The following IARS1 variants were observed in gnomAD, a reference collection of about 807,000 sequenced individuals.
IARS1 encodes isoleucyl-tRNA synthetase 1, also known as isoleucine--tRNA ligase, cytoplasmic.
A neutral mutation model predicts 168.2 loss-of-function variants in IARS1; 124 were observed. The observed-to-expected ratio is 0.74, with a 90% CI of 0.64 to 0.86. IARS1 has a LOEUF of 0.86. IARS1 is among the 40% of genes least tolerant of loss of function. IARS1 has a pLI of 0.00. For synonymous variants in IARS1, 532 were observed against 529.4 expected (o/e 1.00, Z -0.07); for missense variants, 1,452 against 1,515.8 (o/e 0.96, Z 0.70).
chr9:92,250,772 A>G lies in IARS1; in HGVS notation c.2370T>C (p.Pro790=). ...GTGTGTCCTTGTCCTGAACAGAAAC[A>G]GGGTCAATCAGCACCTTTAGATTCT... ...MYQNLKVLID[P]VSVQDKDTLS... Residue 790 remains proline, a synonymous_variant, in exon 23 of 34, where the codon CCT becomes CCC. Coordinates refer to ENST00000443024, the MANE Select transcript of IARS1 (RefSeq NM_002161.6). The G allele has an allele frequency of 6.2e-7, 1 of 1,613,742 alleles. No homozygotes were observed. Among genetic ancestry groups the G allele is most frequent in the Non-Finnish European group, 8.5e-7 (1 of 1,179,776 alleles).
In IARS1 at chr9:92,247,552, C is replaced by G; in HGVS notation, c.2617-1G>C. On this transcript the variant is annotated splice_acceptor_variant, in intron 25 of 33. Coordinates refer to ENST00000443024, the MANE Select transcript of IARS1 (RefSeq NM_002161.6). LOFTEE classifies it high-confidence loss of function. The stretch of plus-strand genomic sequence containing the variant: ...GTGTAACTTTTCGAACATTGAGTTC[C>G]TACAGTTAATGCACAAGAGGAAACA... The G allele has an allele frequency of 6.2e-7, 1 of 1,612,628 alleles. No homozygotes were observed. The highest frequency in any genetic ancestry group is 1.1e-5 in the South Asian group (1 of 90,698).
rs767763007 is a variant in IARS1 at position 92,271,610 on chromosome 9, A to T, written c.1036T>A (p.Ser346Thr). ...GCATCCACAGGGCAAACAGGGAGTG[A>T]GTCTTTCCGAATAATGTTAAAGTCC... ...CMDFNIIRKD[S>T]LPVCPVDASG... Residue 346 changes from serine to threonine, a missense_variant, in exon 11 of 34, where the codon TCA becomes ACA. By Grantham distance (58) the Ser-to-Thr change is moderately conservative. Coordinates refer to ENST00000443024, the MANE Select transcript of IARS1 (RefSeq NM_002161.6). 2 of 1,614,078 alleles carry T rather than the reference A, an allele frequency of 1.2e-6. No homozygotes were observed. The highest frequency in any genetic ancestry group is 3.3e-5 in the Admixed American group (2 of 60,014).
intron 10 of IARS1, among the ~76,000 whole-genome samples, chr9:92,272,756 C>T (rs1833233440): frequency 6.6e-6 from 1 of 151,058 alleles, no homozygotes; most frequent in South Asian, 2.1e-4. Context: ...CAGGCTGAGG[C>T]AGGAGAATCG....
intron 7 of IARS1, among the ~76,000 whole-genome samples, chr9:92,279,800 C>G (rs935069829): frequency 5.3e-5 from 8 of 152,160 alleles, no homozygotes; most frequent in African/African-American, 1.7e-4. Flanking sequence ...ATAACTCCCC[C>G]TTCCCTCCCA....
Position 92,288,126 on chromosome 9 carries a change from C to T in IARS1, c.276G>A (p.Val92=), listed in dbSNP as rs1282795400. ...RFGWDCHGLP[V]EYEIDKTLGI... ...TATAAAGCTGGATACTCAAACATAC[C>T]ACAGGTAAGCCATGGCAATCCCATC... Residue 92 remains valine, a splice_region_variant and synonymous_variant, in exon 3 of 34, where the codon GTG becomes GTA. Transcript: ENST00000443024. 6.2e-7 allele frequency: 1 copy of T among 1,612,058 alleles called. No homozygotes were observed. Among genetic ancestry groups the T allele is most frequent in the Non-Finnish European group, 8.5e-7 (1 of 1,179,356 alleles).
At chr9:92,258,617 AAAC>A (rs1359273755) in intron 19 of IARS1, among the ~76,000 whole-genome samples, 1 of 152,154 alleles carries the variant, frequency 6.6e-6, no homozygotes, top group Middle Eastern at 3.2e-3. Flanking sequence ...ACTGGCGACT[AAAC>A]AACTATATGA....
chr9:92,247,251 C>A (rs919741376), intron 26 of IARS1, 126 bp downstream of exon 26: 9 of 738,298 alleles, frequency 1.2e-5, no homozygotes, highest in Middle Eastern at 2.6e-4. Context: ...AAGGAAAGGA[C>A]AGGACACGAC....
rs772141867 is a variant in IARS1 at position 92,249,873 on chromosome 9, C to T, written c.2601G>A (p.Glu867=). The change falls in exon 25 of 34, where the codon GAG becomes GAA. Residue 867 remains glutamate, a synonymous_variant. Coordinates refer to ENST00000443024, the MANE Select transcript of IARS1 (RefSeq NM_002161.6). The stretch of plus-strand genomic sequence containing the variant: ...TCTACCTTACCTCAATGATATACTT[C>T]TCCAAAGACTTGATATCTTTAAGAG... ...PEALKDIKSL[E]KYIIEELNVR... 1 of 1,587,332 alleles carries T rather than the reference C, an allele frequency of 6.3e-7. No individual in the cohort carries two copies. Among genetic ancestry groups the T allele is most frequent in the South Asian group, 1.1e-5 (1 of 90,162 alleles).
chr9:92,289,706 T>C (rs1836013800), intron 1 of IARS1, among the ~76,000 whole-genome samples: 1 of 152,198 alleles, frequency 6.6e-6, no homozygotes, highest in Non-Finnish European at 1.5e-5. Flanking sequence ...TCCCCATTCT[T>C]TCTTCTCCAT....
chr9:92,232,207 TC>T (rs1826819367), intron 30 of IARS1, among the ~76,000 whole-genome samples: 1 of 152,184 alleles, frequency 6.6e-6, no homozygotes, highest in South Asian at 2.1e-4. Flanking sequence ...CAAAAATAGC[TC>T]CCCACTGGTA....
At chr9:92,268,074 G>T in intron 14 of IARS1, 100 bp downstream of exon 14, 2 of 1,214,632 alleles carry the variant, frequency 1.6e-6, no homozygotes, top group Non-Finnish European at 2.3e-6. Flanking sequence ...ATAAGAAAGG[G>T]GCAAAGAAAA....
intron 25 of IARS1, among the ~76,000 whole-genome samples, chr9:92,248,392 G>T (rs544365129): frequency 4.6e-5 from 7 of 152,076 alleles, no homozygotes; most frequent in Non-Finnish European, 8.8e-5. Flanking sequence ...AAATTTTTCA[G>T]CTGGGTGTGG....
chr9:92,257,849 G>A (rs971863463), intron 19 of IARS1, among the ~76,000 whole-genome samples: 3 of 152,032 alleles, frequency 2.0e-5, no homozygotes, highest in Non-Finnish European at 4.4e-5. Flanking sequence ...GTGCAGTATC[G>A]GAACTCTGAC....
In IARS1 at chr9:92,250,275, T is replaced by C. The variant is rs751598901; in HGVS notation, c.2444A>G (p.Asp815Gly). 2 of 1,601,428 alleles carry C rather than the reference T, an allele frequency of 1.2e-6. No individual in the cohort carries two copies. Among genetic ancestry groups the C allele is most frequent in the South Asian group, 1.1e-5 (1 of 90,806 alleles). Residue 815 changes from aspartate (D) to glycine (G), a missense_variant, in exon 24 of 34, where the codon GAC (aspartate) becomes GGC (glycine). By Grantham distance (94) the Asp-to-Gly change is moderately conservative. Coordinates refer to ENST00000443024, the MANE Select transcript of IARS1 (RefSeq NM_002161.6). Reference protein sequence around the residue: ...MLPRVREELIDKKTESAVSQM... With the variant: ...MLPRVREELIGKKTESAVSQM... Reference sequence around the variant, plus strand: ...AGATACTGCACTCTCTGTTTTCTTGTCAATCAATTCTTCTCTGAGTGGTAG... The same window carrying C: ...AGATACTGCACTCTCTGTTTTCTTGCCAATCAATTCTTCTCTGAGTGGTAG...
Position 92,258,856 on chromosome 9 carries a change from T to C in IARS1, c.2014A>G (p.Lys672Glu), listed in dbSNP as rs1404643664. The C allele has an allele frequency of 1.9e-6, 3 of 1,607,224 alleles. No homozygotes were observed. Among genetic ancestry groups the C allele is most frequent in the Admixed American group, 1.7e-5 (1 of 58,608 alleles). Residue 672 changes from lysine to glutamate, a missense_variant and splice_region_variant, in exon 19 of 34, where the codon AAG becomes GAG. Physicochemically the swap from Lys to Glu is moderately conservative, Grantham distance 56 (BLOSUM62 1). Coordinates refer to ENST00000443024, the MANE Select transcript of IARS1 (RefSeq NM_002161.6). ...FLIQNVLRLQ[K>E]EEEIEFLYNE... ...GTGCAGCCCCCTACAGCCCATACCT[T>C]CTGGAGCCTCAGAACGTTCTGGATT... is the stretch of plus-strand genomic sequence containing the variant.
chr9:92,264,292 A>C (rs1330596774), intron 16 of IARS1, among the ~76,000 whole-genome samples: 18 of 146,836 alleles, frequency 1.2e-4, no homozygotes, highest in Admixed American at 7.0e-5. Context: ...CCGAGATCAC[A>C]CCCCTGCACT....
intron 25 of IARS1, among the ~76,000 whole-genome samples, chr9:92,249,132 G>A (rs1564170536): frequency 6.6e-6 from 1 of 152,352 alleles, no homozygotes; most frequent in East Asian, 1.9e-4. Flanking sequence ...CAGCCAGGAA[G>A]TGAGACTCCA....
At chr9:92,252,440 G>A (rs756777296) in intron 21 of IARS1, 61 of 506,162 alleles carry the variant, frequency 1.2e-4, no homozygotes, top group Non-Finnish European at 3.2e-5. Flanking sequence ...TGAAATTACA[G>A]TTGTGTTGCA....
intron 20 of IARS1, among the ~76,000 whole-genome samples, chr9:92,256,183 CTT>C (rs773558436): frequency 4.1e-4 from 57 of 138,182 alleles, no homozygotes; most frequent in Non-Finnish European, 5.7e-4. Flanking sequence ...TTCCCCAGGG[CTT>C]TTTTTTTTTT....
Sources: gnomAD v4.1 joint callset for allele counts (sites outside exome capture counted in the v4.1 genomes callset) on GRCh38, gnomAD v4.1.1 for gene constraint, MANE v1.5 for transcripts, NCBI Gene and HGNC (gene_info 2026-07-23, HGNC 2026-07-21) for gene names.